ZUP1: variants seen among roughly 807,000 people sequenced by gnomAD.
ZUP1 encodes the protein zinc finger containing ubiquitin peptidase 1.
ZUP1 carries 55 observed loss-of-function variants against 68.1 expected under a neutral mutation model. The observed-to-expected ratio is 0.81, with a 90% confidence interval of 0.65 to 1.01. The LOEUF (loss-of-function observed/expected upper bound fraction) is 1.01, where lower values mean the gene tolerates loss of function less well. Ranked by LOEUF, ZUP1 falls within the 50% of genes least tolerant of loss-of-function variation. The pLI is 0.00. For synonymous variants in ZUP1, 223 were observed against 221.5 expected, an observed-to-expected ratio of 1.01 and a Z score of -0.06; for missense variants, 684 against 674.9, an observed-to-expected ratio of 1.01 and a Z score of -0.15.
intron 9 of ZUP1, among the ~76,000 whole-genome samples, chr6:116,644,819 C>T (rs1310933317): frequency 1.3e-5 from 2 of 150,248 alleles, no homozygotes; most frequent in Non-Finnish European, 3.0e-5. Context: ...TGCACATGTA[C>T]CCTAAAACTT....
Position 116,651,571 on chromosome 6 carries a change from C to CT in ZUP1, c.1316dup (p.Cys440ValfsTer5). On this transcript the variant is annotated frameshift_variant and splice_region_variant. Coordinates refer to ENST00000368576, the MANE Select transcript of ZUP1 (RefSeq NM_145062.3). LOFTEE classifies it high-confidence loss of function. ...ATTTATTTAGGTTTTAAGGTACATA[C>CT]TTTACCCTTAGGGAGGTCAGGAGTA... 1 of 1,602,094 alleles carries CT rather than the reference C, an allele frequency of 6.2e-7. No individual in the cohort carries two copies. The highest frequency in any genetic ancestry group is 8.5e-7 in the Non-Finnish European group (1 of 1,175,110).
At chr6:116,653,242 C>G (rs1040367304) in intron 5 of ZUP1, among the ~76,000 whole-genome samples, 25 of 151,934 alleles carry the variant, frequency 1.6e-4, no homozygotes, top group African/African-American at 4.6e-4. Context: ...TTTTCTGATT[C>G]TACCCTATTT....
Position 116,666,088 on chromosome 6 carries a change from G to C in ZUP1, c.559+546C>G, listed in dbSNP as rs1162094638. Among the ~76,000 whole-genome samples the C allele has an allele frequency of 3.3e-5, 5 of 152,054 alleles. No homozygotes were observed. The East Asian group carries it at 9.6e-4, about 29-fold the overall frequency. ...AGAACTACTAGACAGTACTACTATA[G>C]AAAACAAGCAAGGATATAAATAATC... is the stretch of plus-strand genomic sequence containing the variant. On this transcript the variant is annotated intron_variant, in intron 2 of 9. Transcript: ENST00000368576.
chr6:116,644,839 T>C (rs1776238385), intron 9 of ZUP1, among the ~76,000 whole-genome samples: 1 of 150,250 alleles, frequency 6.7e-6, no homozygotes, highest in South Asian at 2.1e-4. Context: ...TAAAGTATGA[T>C]AATAATAATA....
At chr6:116,638,585 A>C (rs1211880111) in intron 9 of ZUP1, among the ~76,000 whole-genome samples, 1 of 152,258 alleles carries the variant, frequency 6.6e-6, no homozygotes, top group African/African-American at 2.4e-5. Flanking sequence ...TTATAAGGCC[A>C]ATATGAGTTA....
intron 5 of ZUP1, among the ~76,000 whole-genome samples, chr6:116,654,593 ACTT>A (rs1353479007): frequency 1.3e-5 from 2 of 152,004 alleles, no homozygotes; most frequent in Non-Finnish European, 2.9e-5. Flanking sequence ...CAAATTCAAA[ACTT>A]CTGTCTAATT....
chr6:116,637,381 A>G (rs762936767), intron 9 of ZUP1, among the ~76,000 whole-genome samples: 4 of 152,202 alleles, frequency 2.6e-5, no homozygotes, highest in African/African-American at 9.6e-5. Context: ...ATAGTACAGA[A>G]TAAGCATTAG....
intron 7 of ZUP1, among the ~76,000 whole-genome samples, chr6:116,651,063 C>G (rs2115397057): frequency 6.6e-6 from 1 of 152,006 alleles, no homozygotes; most frequent in Admixed American, 6.5e-5. Flanking sequence ...GATTACATGA[C>G]AGGTAGAGTG....
chr6:116,638,084 A>C (rs956037347), intron 9 of ZUP1, among the ~76,000 whole-genome samples: 3 of 151,782 alleles, frequency 2.0e-5, no homozygotes, highest in Non-Finnish European at 4.4e-5. Context: ...AAAAAAAAAA[A>C]ACCTTGCCTT....
intron 7 of ZUP1, among the ~76,000 whole-genome samples, chr6:116,649,887 G>A (rs991623957): frequency 6.6e-6 from 1 of 151,862 alleles, no homozygotes; most frequent in Non-Finnish European, 1.5e-5. Flanking sequence ...CTTCAAAATA[G>A]AAAAGACTAA....
Position 116,656,753 on chromosome 6 carries a change from GAA to G in ZUP1, c.890_891del (p.Phe297SerfsTer2). The G allele has an allele frequency of 1.2e-6, 2 of 1,612,304 alleles. No homozygotes were observed. Among genetic ancestry groups the G allele is most frequent in the Non-Finnish European group, 1.7e-6 (2 of 1,179,300 alleles). On this transcript the variant is annotated frameshift_variant, in exon 5 of 10. Transcript: ENST00000368576. LOFTEE classifies it high-confidence loss of function. ...VNRGRMPPSE[F>X]HRRKADMMES... ...TCCATCATATCAGCTTTTCTCCTAT[GAA>G]ATTCAGATGGAGGCATTCTTCCCCT...
intron 4 of ZUP1, among the ~76,000 whole-genome samples, chr6:116,657,232 A>G (rs1776698682): frequency 6.6e-6 from 1 of 152,206 alleles, no homozygotes; most frequent in Non-Finnish European, 1.5e-5. Context: ...TAGTCCATAA[A>G]GGCCTACTTA....
rs75746825 is a variant in ZUP1, at chr6:116,649,700, C to T, written c.1316+1872G>A. Reference sequence around the variant, plus strand: ...TCTGGGAAAAGATCTCTCTATATAACGATATTTGAGAGTTCCCCAACCAAA... The same window carrying T: ...TCTGGGAAAAGATCTCTCTATATAATGATATTTGAGAGTTCCCCAACCAAA... On this transcript the variant is annotated intron_variant, in intron 7 of 9. Coordinates refer to ENST00000368576, the MANE Select transcript of ZUP1 (RefSeq NM_145062.3). Among the ~76,000 whole-genome samples the T allele has an allele frequency of 0.013, 2,021 of 152,226 alleles. 211 individuals are homozygous for T. In the East Asian group the frequency reaches 0.29, roughly 22 times the overall value.
At chr6:116,651,942 T>A (rs1776511363) in intron 6 of ZUP1, 62 bp downstream of exon 6, 2 of 1,538,476 alleles carry the variant, frequency 1.3e-6, no homozygotes, top group Non-Finnish European at 1.8e-6. Context: ...GTGTATGCTA[T>A]ATCATTCTAT....
At chr6:116,660,688 G>T in intron 3 of ZUP1, 48 bp downstream of exon 3, 3 of 1,097,260 alleles carry the variant, frequency 2.7e-6, no homozygotes, top group South Asian at 1.4e-5. Context: ...ATGTGTCCTA[G>T]AAAGTAGAAA....
intron 4 of ZUP1, among the ~76,000 whole-genome samples, chr6:116,657,365 G>A (rs1484216677): frequency 1.3e-5 from 2 of 152,096 alleles, no homozygotes; most frequent in Non-Finnish European, 2.9e-5. Context: ...AGTTTTCACG[G>A]AAACTTTTCT....
chr6:116,667,281 T>A, intron 1 of ZUP1, 74 bp from the exon 2 acceptor site: 1 of 1,033,196 alleles, frequency 9.7e-7, no homozygotes, highest in Non-Finnish European at 1.4e-6. Context: ...TTGAGACAAT[T>A]ACTTGGTCTT....
At chr6:116,648,289 G>A (rs764473318) in intron 7 of ZUP1, among the ~76,000 whole-genome samples, 3 of 152,134 alleles carry the variant, frequency 2.0e-5, no homozygotes, top group African/African-American at 4.8e-5. Flanking sequence ...TTAAAAGGTC[G>A]GGTATAACTA....
In ZUP1 at chr6:116,635,867, C is replaced by T. The variant is rs1372588055; in HGVS notation, c.1702G>A (p.Ala568Thr). Residue 568 changes from alanine (A) to threonine (T), a missense_variant, in exon 10 of 10, where the codon GCT (alanine) becomes ACT (threonine). Ala to Thr is a moderately conservative substitution (Grantham distance 58, BLOSUM62 0). Transcript: ENST00000368576. The stretch of plus-strand genomic sequence containing the variant: ...TTCTCGGCTGTAAAGACTTGAGAAG[C>T]TTGTCTCCTGGCCTTGAAAAGAAAT... The part of the protein sequence containing the change: ...SLEEKLARRQ[A>T]SQVFTAEKIP The T allele has an allele frequency of 6.3e-7, 1 of 1,595,414 alleles. No individual in the cohort carries two copies. Among genetic ancestry groups the T allele is most frequent in the Non-Finnish European group, 8.5e-7 (1 of 1,172,582 alleles).
Sources: allele counts gnomAD v4.1 joint callset (sites outside exome capture counted in the v4.1 genomes callset), GRCh38; gene constraint gnomAD v4.1.1; transcripts MANE v1.5; gene names NCBI Gene and HGNC (gene_info 2026-07-23, HGNC 2026-07-21).